The following TLR6 variants were observed in gnomAD, a reference collection of about 807,000 sequenced individuals.
The protein encoded by TLR6 is toll like receptor 6, also known as toll-like receptor 6.
In TLR6, 9 loss-of-function variants were observed where a neutral mutation model predicts 16.1. The ratio of observed to expected loss-of-function variants is 0.56; its 90% CI spans 0.34 to 0.98. TLR6 has a LOEUF of 0.98. Among genes scored for constraint, TLR6 ranks in the 50% least tolerant of loss-of-function variants. The pLI is 0.02. For synonymous variants in TLR6, 340 were observed against 338.6 expected (o/e 1.00, Z -0.04); for missense variants, 786 against 921.0 (o/e 0.85, Z 1.90).
intron 1 of TLR6, among the ~76,000 whole-genome samples, chr4:38,846,186 C>T (rs1712523635): frequency 6.6e-6 from 1 of 151,920 alleles, no homozygotes; most frequent in South Asian, 2.1e-4. Context: ...TCAACAAGCA[C>T]TCTCACAAGA....
At chr4:38,849,171 C>T (rs1712663558) in intron 1 of TLR6, among the ~76,000 whole-genome samples, 1 of 152,108 alleles carries the variant, frequency 6.6e-6, no homozygotes, top group South Asian at 2.1e-4. Flanking sequence ...TCATATCCAG[C>T]CAAACTAAGC....
At chr4:38,828,815 A>G in exon 2 of TLR6, 1 of 1,614,074 alleles carries the variant, frequency 6.2e-7, no homozygotes, top group Non-Finnish European at 8.5e-7. Flanking sequence ...TAAGCACCCT[A>G]AAGTATTAAC....
At chr4:38,853,708 A>G (rs1350149125) in intron 1 of TLR6, among the ~76,000 whole-genome samples, 1 of 152,198 alleles carries the variant, frequency 6.6e-6, no homozygotes, top group East Asian at 1.9e-4. Context: ...GGCTCATGCC[A>G]TCCTCTCACC....
chr4:38,839,048 GAA>G (rs1712099768), intron 1 of TLR6, among the ~76,000 whole-genome samples: 1 of 127,214 alleles, frequency 7.9e-6, no homozygotes, highest in Non-Finnish European at 1.6e-5. Context: ...GAGAAAGAAA[GAA>G]AAAGAGAGAA....
intron 1 of TLR6, 42 bp from the exon 2 acceptor site, chr4:38,829,579 G>T (rs1579240410): frequency 1.4e-6 from 1 of 693,490 alleles, no homozygotes; most frequent in Non-Finnish European, 2.4e-6. Context: ...AGATCGGATG[G>T]TTACTCTCAA....
chr4:38,853,117 A>G (rs1560272573), intron 1 of TLR6, among the ~76,000 whole-genome samples: 2 of 150,396 alleles, frequency 1.3e-5, no homozygotes, highest in African/African-American at 2.5e-5. Context: ...CATTCTCGTA[A>G]ACTATCGCAA....
At chr4:38,824,212 A>G (rs1454980411) in exon 2 of TLR6, 1 of 152,282 alleles carries the variant, frequency 6.6e-6, no homozygotes, top group Non-Finnish European at 1.5e-5. Flanking sequence ...TGGGGTGCAC[A>G]GTGTCCCCTC....
chr4:38,841,652 C>T (rs1224387862), intron 1 of TLR6, among the ~76,000 whole-genome samples: 1 of 152,216 alleles, frequency 6.6e-6, no homozygotes, highest in Non-Finnish European at 1.5e-5. Flanking sequence ...TAAAATTTCT[C>T]AAGCTCTCAG....
chr4:38,867,187 T>C, the TLR6 span, among the ~76,000 whole-genome samples: 1 of 152,190 alleles, frequency 6.6e-6, no homozygotes, highest in Non-Finnish European at 1.5e-5. Flanking sequence ...CTGGGGGACA[T>C]TGAGATTGTC....
chr4:38,858,800 A>G (rs13115155), upstream of TLR6, among the ~76,000 whole-genome samples: 11 of 120,654 alleles, frequency 9.1e-5, no homozygotes, highest in African/African-American at 2.9e-4. Context: ...AGGGAGAGAG[A>G]GAGAGAGAGA....
chr4:38,830,789 T>A (rs1579241427), intron 1 of TLR6, among the ~76,000 whole-genome samples: 1 of 152,190 alleles, frequency 6.6e-6, no homozygotes, highest in Non-Finnish European at 1.5e-5. Context: ...TACCTCATTG[T>A]AGTGTTTAAA....
At chr4:38,862,870 C>T in the TLR6 span, among the ~76,000 whole-genome samples, 4 of 142,254 alleles carry the variant, frequency 2.8e-5, no homozygotes, top group African/African-American at 7.9e-5. Context: ...GCTAGGATTA[C>T]GGGCATGAAC....
chr4:38,838,722 A>T (rs1033860242), intron 1 of TLR6, among the ~76,000 whole-genome samples: 24 of 152,168 alleles, frequency 1.6e-4, no homozygotes, highest in African/African-American at 4.8e-4. Context: ...ATTTCAAAAC[A>T]GCTAGAAGAG....
At chr4:38,860,560 G>T (rs531576359), upstream of TLR6, among the ~76,000 whole-genome samples, 1 of 147,386 alleles carries the variant, frequency 6.8e-6, no homozygotes, top group Non-Finnish European at 1.5e-5. Flanking sequence ...AAGACAAGCC[G>T]CAGACTGGGA....
chr4:38,832,945 C>T (rs890650188), intron 1 of TLR6, among the ~76,000 whole-genome samples: 1 of 152,192 alleles, frequency 6.6e-6, no homozygotes, highest in Non-Finnish European at 1.5e-5. Flanking sequence ...GACACATCTA[C>T]ACATGCCTCC....
chr4:38,868,143 C>T, the TLR6 span: 1 of 237,402 alleles, frequency 4.2e-6, no homozygotes, highest in Non-Finnish European at 9.1e-6. Context: ...CCCCCTCGGC[C>T]TGCGTGAACC....
chr4:38,865,356 T>C, the TLR6 span, among the ~76,000 whole-genome samples: 2 of 152,198 alleles, frequency 1.3e-5, no homozygotes, highest in Admixed American at 6.5e-5. Flanking sequence ...TGGAAGCAGC[T>C]ACATGAGTAA....
chr4:38,862,638 C>T, the TLR6 span, among the ~76,000 whole-genome samples: 7 of 139,000 alleles, frequency 5.0e-5, no homozygotes, highest in African/African-American at 1.9e-4. Flanking sequence ...CTCTGTCACC[C>T]AGGCTGGAGT....
At chr4:38,841,457 G>A (rs1712257326) in intron 1 of TLR6, among the ~76,000 whole-genome samples, 2 of 152,178 alleles carry the variant, frequency 1.3e-5, no homozygotes, top group South Asian at 4.1e-4. Context: ...CAGGCATAGT[G>A]GTGCCTGCCT....
Sources: allele counts gnomAD v4.1 joint callset (sites outside exome capture counted in the v4.1 genomes callset), GRCh38; gene constraint gnomAD v4.1.1; transcripts MANE v1.5; gene names NCBI Gene and HGNC (gene_info 2026-07-23, HGNC 2026-07-21).